PHLPP1: variants seen among roughly 807,000 people sequenced by gnomAD.
PHLPP1 encodes PH domain leucine-rich repeat-containing protein phosphatase 1.
PHLPP1 carries 42 observed loss-of-function variants against 117.2 expected under a neutral mutation model. The ratio of observed to expected loss-of-function variants is 0.36; its 90% CI spans 0.28 to 0.46. PHLPP1 has a LOEUF of 0.46. Ranked by LOEUF, PHLPP1 falls within the 20% of genes least tolerant of loss-of-function variation. The probability of loss-of-function intolerance (pLI) is 1.00; values close to 1 mark genes in which losing one functional copy is unlikely to be tolerated. For missense variants in PHLPP1, 2,084 were observed against 2,241.9 expected (o/e 0.93, Z 1.42); for synonymous variants, 1,042 against 970.7 (o/e 1.07, Z -1.37).
chr18:62,944,156 G>C (rs1043527582), intron 11 of PHLPP1, among the ~76,000 whole-genome samples: 2 of 151,950 alleles, frequency 1.3e-5, no homozygotes, highest in East Asian at 1.9e-4. Context: ...CTATTATTCA[G>C]CTTATGAGTC....
At chr18:62,732,816 G>A (rs1356267085) in intron 1 of PHLPP1, among the ~76,000 whole-genome samples, 2 of 152,170 alleles carry the variant, frequency 1.3e-5, no homozygotes, top group Admixed American at 1.3e-4. Flanking sequence ...ATGATAATGA[G>A]GAGTTCAAGA....
chr18:62,767,523 A>G (rs1220713190), intron 1 of PHLPP1, among the ~76,000 whole-genome samples: 1 of 152,080 alleles, frequency 6.6e-6, no homozygotes, highest in Non-Finnish European at 1.5e-5. Flanking sequence ...GCAAAACCCA[A>G]TTCAGTTTTT....
chr18:62,972,123 A>AT (rs1317264419), intron 14 of PHLPP1, among the ~76,000 whole-genome samples: 1 of 152,138 alleles, frequency 6.6e-6, no homozygotes, highest in African/African-American at 2.4e-5. Flanking sequence ...GGTTTCGTCT[A>AT]TTTTTCCCAG....
intron 2 of PHLPP1, chr18:62,838,230 A>G (rs1914960709): frequency 6.6e-6 from 1 of 152,132 alleles, no homozygotes. Context: ...AAGTTTCCAA[A>G]CATAGAAGTT....
intron 1 of PHLPP1, among the ~76,000 whole-genome samples, chr18:62,785,224 C>T (rs1913245169): frequency 6.6e-6 from 1 of 152,212 alleles, no homozygotes; most frequent in Non-Finnish European, 1.5e-5. Context: ...AGTGATGTCA[C>T]AGTCAGTAGA....
chr18:62,762,841 C>G (rs1173985647), intron 1 of PHLPP1, among the ~76,000 whole-genome samples: 1 of 151,938 alleles, frequency 6.6e-6, no homozygotes, highest in African/African-American at 2.4e-5. Context: ...ATAAATTGCT[C>G]AAAGGAAATA....
chr18:62,762,499 C>T (rs2144251070), intron 1 of PHLPP1, among the ~76,000 whole-genome samples: 1 of 151,098 alleles, frequency 6.6e-6, no homozygotes, highest in Non-Finnish European at 1.5e-5. Context: ...CTGCAGCCTC[C>T]ACCTCCTGGG....
intron 1 of PHLPP1, among the ~76,000 whole-genome samples, chr18:62,804,369 GA>G (rs202180448): frequency 6.6e-6 from 1 of 151,568 alleles, no homozygotes; most frequent in Non-Finnish European, 1.5e-5. Flanking sequence ...TGTGTAGGGG[GA>G]AGGTGTCTAG....
Position 62,833,580 on chromosome 18 carries a change from T to A in PHLPP1, c.1773+3349T>A, listed in dbSNP as rs1599072076. Among the ~76,000 whole-genome samples, 5 of 152,330 alleles carry A rather than the reference T, an allele frequency of 3.3e-5. No individual in the cohort carries two copies. The South Asian group carries it at 6.2e-4, about 19-fold the overall frequency. ...ATGTATATTCCTCATTTTTTCCTTTTTTGAAATAAGTTTTACCGTGTATCT... is the reference window on the plus strand; with the variant it reads ...ATGTATATTCCTCATTTTTTCCTTTATTGAAATAAGTTTTACCGTGTATCT... On this transcript the variant is annotated intron_variant, in intron 2 of 16. Coordinates refer to ENST00000262719, the MANE Select transcript of PHLPP1 (RefSeq NM_194449.4).
Position 62,941,908 on chromosome 18 carries a change from T to C in PHLPP1, c.3151T>C (p.Phe1051Leu), listed in dbSNP as rs1910141208. 2 of 1,613,166 alleles carry C rather than the reference T, an allele frequency of 1.2e-6. No individual in the cohort carries two copies. Among genetic ancestry groups the C allele is most frequent in the African/African-American group, 1.3e-5 (1 of 74,918 alleles). Residue 1051 changes from phenylalanine (F) to leucine (L), a missense_variant, in exon 11 of 17, where the codon TTT becomes CTT. This residue lies in a region of PHLPP1 where 1,365 missense variants were observed against 1,605.9 expected (regional missense o/e 0.85). Transcript: ENST00000262719. ...CATGGCCTATAACCGACTTCAGAGT[T>C]TTCCAGCAAGGTAAAGGACAGTTGT... The part of the protein sequence containing the change: ...LHMAYNRLQS[F>L]PASKMAKLEE...
intron 12 of PHLPP1, among the ~76,000 whole-genome samples, chr18:62,953,500 T>C (rs190709225): frequency 6.6e-6 from 1 of 152,360 alleles, no homozygotes; most frequent in East Asian, 1.9e-4. Flanking sequence ...TATCTGTCCC[T>C]GGGCTGCTAT....
At chr18:62,877,427 C>G (rs918369887) in intron 4 of PHLPP1, among the ~76,000 whole-genome samples, 1 of 152,168 alleles carries the variant, frequency 6.6e-6, no homozygotes, top group Non-Finnish European at 1.5e-5. Context: ...TTTGAAGACA[C>G]TGCTGTATAA....
At chr18:62,763,491 C>T (rs1912329227) in intron 1 of PHLPP1, among the ~76,000 whole-genome samples, 1 of 152,230 alleles carries the variant, frequency 6.6e-6, no homozygotes, top group Non-Finnish European at 1.5e-5. Flanking sequence ...CATGCGAACA[C>T]CTCATTCAGC....
chr18:62,913,854 G>A (rs1401059487), intron 8 of PHLPP1, among the ~76,000 whole-genome samples: 2 of 148,516 alleles, frequency 1.3e-5, no homozygotes, highest in Non-Finnish European at 3.0e-5. Context: ...AACGATTCTC[G>A]TGCCTCAGCC....
At chr18:62,819,253 G>A (rs1210118976) in intron 1 of PHLPP1, among the ~76,000 whole-genome samples, 1 of 152,168 alleles carries the variant, frequency 6.6e-6, no homozygotes, top group East Asian at 1.9e-4. Context: ...TATTGGTAAT[G>A]GAAATGGAAG....
chr18:62,790,718 G>T (rs989653055), intron 1 of PHLPP1, among the ~76,000 whole-genome samples: 5 of 152,186 alleles, frequency 3.3e-5, no homozygotes, highest in African/African-American at 1.2e-4. Flanking sequence ...GTGGTATGTG[G>T]TAGGAAGAAA....
intron 10 of PHLPP1, among the ~76,000 whole-genome samples, chr18:62,931,961 A>G (rs1909825581): frequency 6.6e-6 from 1 of 152,074 alleles, no homozygotes; most frequent in Admixed American, 6.6e-5. Context: ...GCACAGAAAC[A>G]GAAAAGATCC....
chr18:62,946,357 C>G (rs535698614), intron 12 of PHLPP1, among the ~76,000 whole-genome samples: 1 of 152,214 alleles, frequency 6.6e-6, no homozygotes, highest in Non-Finnish European at 1.5e-5. Flanking sequence ...TCTCTGTCTT[C>G]CGGGTTCAAG....
intron 3 of PHLPP1, among the ~76,000 whole-genome samples, chr18:62,842,481 C>T (rs1243204103): frequency 1.3e-5 from 2 of 152,048 alleles, no homozygotes; most frequent in East Asian, 3.9e-4. Context: ...CCCACCTCAG[C>T]CTCCTGAGTA....
Sources: gnomAD v4.1 joint callset for allele counts (sites outside exome capture counted in the v4.1 genomes callset) on GRCh38, gnomAD v4.1.1 for gene constraint, gnomAD v4.1.1 regional missense constraint, MANE v1.5 for transcripts, NCBI Gene and HGNC (gene_info 2026-07-23, HGNC 2026-07-21) for gene names.